Variants in RIOK1 observed in about 807,000 individuals in gnomAD.
RIOK1 encodes serine/threonine-protein kinase RIO1.
Under a neutral mutation model 73.5 loss-of-function variants are expected in RIOK1, and 66 were observed. That is an observed-to-expected ratio of 0.90 (90% CI 0.74 to 1.10). The LOEUF is 1.10. Ranked by LOEUF, RIOK1 falls within the 50% of genes least tolerant of loss-of-function variation. RIOK1 has a pLI of 0.00. For synonymous variants in RIOK1, 224 were observed against 226.8 expected, an observed-to-expected ratio of 0.99 and a Z score of 0.11; for missense variants, 658 against 699.8, an observed-to-expected ratio of 0.94 and a Z score of 0.67.
At position 7,393,321 on chromosome 6, in the gene RIOK1, C is replaced by G. The variant is rs561445248; in HGVS notation, c.276+18C>G. The stretch of plus-strand genomic sequence containing the variant: ...ACCCACAGGTATTTTATAAAGGATC[C>G]TGCACATCTTTATGTAGTCTGCTTA... On this transcript the variant is annotated intron_variant, in intron 2 of 16. Coordinates refer to ENST00000379834, the MANE Select transcript of RIOK1 (RefSeq NM_031480.3). 7 of 1,607,138 alleles carry G rather than the reference C, an allele frequency of 4.4e-6. No homozygotes were observed. Among genetic ancestry groups the G allele is most frequent in the Non-Finnish European group, 5.1e-6 (6 of 1,173,708 alleles).
At chr6:7,401,468 A>C (rs1167304578) in intron 6 of RIOK1, among the ~76,000 whole-genome samples, 1 of 151,762 alleles carries the variant, frequency 6.6e-6, no homozygotes, top group Non-Finnish European at 1.5e-5. Context: ...CTTGAAGGAA[A>C]CTCTTACTGT....
intron 6 of RIOK1, among the ~76,000 whole-genome samples, chr6:7,401,373 T>C (rs991646923): frequency 5.9e-5 from 9 of 152,134 alleles, no homozygotes; most frequent in African/African-American, 2.2e-4. Context: ...GTCTTTCTTA[T>C]TTTTTTCTTT....
At position 7,404,982 on chromosome 6, in the gene RIOK1, G is replaced by A. The variant is rs1304945073; in HGVS notation, c.1057G>A (p.Ala353Thr). 2 of 1,614,210 alleles carry A rather than the reference G, an allele frequency of 1.2e-6. No individual in the cohort carries two copies. The highest frequency in any genetic ancestry group is 1.1e-5 in the South Asian group (1 of 91,064). Residue 353 changes from alanine (A) to threonine (T), a missense_variant, in exon 11 of 17, where the codon GCC (alanine) becomes ACC (threonine). By Grantham distance (58) the Ala-to-Thr change is moderately conservative. Coordinates refer to ENST00000379834, the MANE Select transcript of RIOK1 (RefSeq NM_031480.3). ...SQSVEHDHPHALEFLRKDCAN... is the reference protein window; with the variant it reads ...SQSVEHDHPHTLEFLRKDCAN... ...GTCCGTGGAGCACGACCACCCACATGCCTTGGAGTTCTTGAGAAAGGATTG... is the reference window on the plus strand; with the variant it reads ...GTCCGTGGAGCACGACCACCCACATACCTTGGAGTTCTTGAGAAAGGATTG...
At chr6:7,409,490 G>A (rs1761834317) in intron 12 of RIOK1, among the ~76,000 whole-genome samples, 1 of 151,636 alleles carries the variant, frequency 6.6e-6, no homozygotes, top group South Asian at 2.1e-4. Flanking sequence ...CTGATCTCAT[G>A]ATCCAGCCGC....
rs1446633329 is a variant in RIOK1, at chr6:7,417,551, G to T, written c.*110G>T. ...TGGTTTTAACCAGATTGTCATCGTG[G>T]CACTGTCTGTGAAGACGGATTCAAA... On this transcript the variant is annotated 3_prime_UTR_variant, in exon 17 of 17. Coordinates refer to ENST00000379834, the MANE Select transcript of RIOK1 (RefSeq NM_031480.3). The T allele has an allele frequency of 3.2e-6, 2 of 634,728 alleles. No individual in the cohort carries two copies. Among genetic ancestry groups the T allele is most frequent in the Non-Finnish European group, 5.3e-6 (2 of 374,918 alleles). 39.3% of individuals were successfully genotyped at this position (634,728 alleles called of 1,614,324 possible).
At chr6:7,408,423 G>A (rs187224306) in intron 12 of RIOK1, among the ~76,000 whole-genome samples, 16 of 151,250 alleles carry the variant, frequency 1.1e-4, no homozygotes, top group South Asian at 2.1e-4. Context: ...ACTTTGCTCC[G>A]CCTGGTGAAC....
intron 4 of RIOK1, among the ~76,000 whole-genome samples, chr6:7,398,032 C>T (rs1159644206): frequency 1.3e-5 from 2 of 152,156 alleles, no homozygotes; most frequent in African/African-American, 4.8e-5. Flanking sequence ...GTCCCAGCTA[C>T]TCGGGAGGCT....
Position 7,389,838 on chromosome 6 carries a change from A to G in RIOK1, c.-165A>G, listed in dbSNP as rs1251059375. On this transcript the variant is annotated 5_prime_UTR_variant, in exon 1 of 17. Coordinates refer to ENST00000379834, the MANE Select transcript of RIOK1 (RefSeq NM_031480.3). Reference sequence around the variant, plus strand: ...TCCGGTTGGGGTGGCAGGGTGGTGGATCTGTCGGTCCCGTTTTCCCGTCGC... The same window carrying G: ...TCCGGTTGGGGTGGCAGGGTGGTGGGTCTGTCGGTCCCGTTTTCCCGTCGC... 2 of 613,120 alleles carry G rather than the reference A, an allele frequency of 3.3e-6. No homozygotes were observed. The highest frequency in any genetic ancestry group is 2.9e-5 in the Admixed American group (1 of 33,920). The allele number at this position is 613,120 out of a possible 1,614,324, so 38.0% of individuals were successfully genotyped here. A position where few individuals can be genotyped will look rare whatever the true frequency, so the allele number is the denominator to read the frequency against.
chr6:7,391,309 A>G (rs1237764393), intron 1 of RIOK1, among the ~76,000 whole-genome samples: 3 of 152,190 alleles, frequency 2.0e-5, no homozygotes, highest in Non-Finnish European at 4.4e-5. Context: ...GGGGAAACCG[A>G]TATTATTAAA....
At position 7,414,253 on chromosome 6, in the gene RIOK1, G is replaced by C; in HGVS notation, c.1459G>C (p.Glu487Gln). 6.2e-7 allele frequency: 1 copy of C among 1,612,658 alleles called. No homozygotes were observed. The highest frequency in any genetic ancestry group is 8.5e-7 in the Non-Finnish European group (1 of 1,179,492). Reference protein sequence around the residue: ...SGVQKVPALLENQVEERTCSD... With the variant: ...SGVQKVPALLQNQVEERTCSD... ...TAATTTCAAGGTCCCTGCACTCCTAGAAAATCAAGTGGAGGAAAGGACTTG... is the reference window on the plus strand; with the variant it reads ...TAATTTCAAGGTCCCTGCACTCCTACAAAATCAAGTGGAGGAAAGGACTTG... The change falls in exon 16 of 17, where the codon GAA becomes CAA. Residue 487 changes from glutamate to glutamine, a missense_variant. Coordinates refer to ENST00000379834, the MANE Select transcript of RIOK1 (RefSeq NM_031480.3).
Position 7,411,381 on chromosome 6 carries a change from A to G in RIOK1, c.1319A>G (p.Tyr440Cys), listed in dbSNP as rs746841853. The change falls in exon 14 of 17, where the codon TAT becomes TGT. Residue 440 changes from tyrosine to cysteine, a missense_variant. Transcript: ENST00000379834. ...IPRTLNEVKN[Y>C]ERDMDIIMKL... is the part of the protein sequence containing the mutation. ...AGAACCTTGAATGAAGTGAAAAATT[A>G]TGAGAGGGATATGGACATAATTATG... 9.9e-6 allele frequency: 16 copies of G among 1,613,878 alleles called. No homozygotes were observed. The highest frequency in any genetic ancestry group is 2.7e-5 in the African/African-American group (2 of 74,930).
intron 1 of RIOK1, among the ~76,000 whole-genome samples, chr6:7,390,914 C>T (rs1761318389): frequency 6.6e-6 from 1 of 152,062 alleles, no homozygotes; most frequent in South Asian, 2.1e-4. Context: ...GGGAGTGGAA[C>T]AGAGAGACCA....
Position 7,417,365 on chromosome 6 carries a change from A to G in RIOK1, c.1631A>G (p.Glu544Gly). 1.9e-6 allele frequency: 3 copies of G among 1,565,272 alleles called. No individual in the cohort carries two copies. The highest frequency in any genetic ancestry group is 2.4e-5 in the South Asian group (2 of 83,006). ...RKKMVKEAQREKRKNKIPKHV... is the reference protein window; with the variant it reads ...RKKMVKEAQRGKRKNKIPKHV... The stretch of plus-strand genomic sequence containing the variant: ...AAGATGGTCAAGGAAGCCCAGAGAG[A>G]GAAAAGAAAAAACAAAATTCCTAAA... The change falls in exon 17 of 17, where the codon GAG becomes GGG. Residue 544 changes from glutamate (E) to glycine (G), a missense_variant. Physicochemically the swap from Glu to Gly is moderately conservative, Grantham distance 98 (BLOSUM62 -2). Coordinates refer to ENST00000379834, the MANE Select transcript of RIOK1 (RefSeq NM_031480.3).
intron 8 of RIOK1, among the ~76,000 whole-genome samples, 159 bp from the exon 9 acceptor site, chr6:7,403,782 A>C (rs371650853): frequency 6.6e-6 from 1 of 151,666 alleles, no homozygotes; most frequent in Non-Finnish European, 1.5e-5. Flanking sequence ...TAATGGTGCC[A>C]CTTAAAATAA....
At chr6:7,405,052 T>C (rs768553986) in intron 11 of RIOK1, 31 bp downstream of exon 11, 11 of 1,554,418 alleles carry the variant, frequency 7.1e-6, no homozygotes, top group South Asian at 1.1e-5. Context: ...TCGAAACAGC[T>C]CATTGGTCTG....
At chr6:7,395,763 G>A (rs539732197) in intron 3 of RIOK1, among the ~76,000 whole-genome samples, 1 of 151,226 alleles carries the variant, frequency 6.6e-6, no homozygotes, top group Non-Finnish European at 1.5e-5. Flanking sequence ...AGGCTAGAGT[G>A]CAGTGGCACG....
At chr6:7,403,475 A>G (rs1449360860) in intron 8 of RIOK1, among the ~76,000 whole-genome samples, 2 of 152,202 alleles carry the variant, frequency 1.3e-5, no homozygotes, top group African/African-American at 4.8e-5. Flanking sequence ...AAAATGTCTT[A>G]TAACTTTTTA....
At chr6:7,400,726 C>T (rs1761591299) in intron 5 of RIOK1, among the ~76,000 whole-genome samples, 1 of 152,154 alleles carries the variant, frequency 6.6e-6, no homozygotes. Context: ...CTTTGATTTC[C>T]ATGACTGGAT....
At chr6:7,393,633 G>T (rs1409159283) in intron 2 of RIOK1, among the ~76,000 whole-genome samples, 3 of 152,198 alleles carry the variant, frequency 2.0e-5, no homozygotes, top group African/African-American at 7.2e-5. Flanking sequence ...GGTAATTAAA[G>T]AAATGCAGAT....
Sources: allele counts gnomAD v4.1 joint callset (sites outside exome capture counted in the v4.1 genomes callset), GRCh38; gene constraint gnomAD v4.1.1; transcripts MANE v1.5; gene names NCBI Gene and HGNC (gene_info 2026-07-23, HGNC 2026-07-21).